UBE2F: variants seen among roughly 807,000 people sequenced by gnomAD.
UBE2F encodes NEDD8-conjugating enzyme UBE2F.
A neutral mutation model predicts 29.6 loss-of-function variants in UBE2F; 5 were observed. The ratio of observed to expected loss-of-function variants is 0.17; its 90% CI spans 0.09 to 0.36. The LOEUF is 0.36. UBE2F is among the 10% of genes least tolerant of loss of function. The probability of loss-of-function intolerance (pLI) is 1.00; values close to 1 mark genes in which losing one functional copy is unlikely to be tolerated. For synonymous variants in UBE2F, 66 were observed against 81.8 expected, an observed-to-expected ratio of 0.81 and a Z score of 1.04; for missense variants, 141 against 228.5, an observed-to-expected ratio of 0.62 and a Z score of 2.47.
intron 6 of UBE2F, 79 bp from the exon 7 acceptor site, chr2:238,030,477 A>C (rs1414397404): frequency 1.0e-6 from 1 of 970,526 alleles, no homozygotes; most frequent in Non-Finnish European, 1.6e-6. Flanking sequence ...TGCATGGCAC[A>C]CACCGAGAGG....
At chr2:238,004,671 G>A (rs1232359372) in intron 4 of UBE2F, among the ~76,000 whole-genome samples, 1 of 152,108 alleles carries the variant, frequency 6.6e-6, no homozygotes, top group African/African-American at 2.4e-5. Context: ...ATGTTTCATG[G>A]CAAAAGGGAA....
rs2063489139 is a variant in UBE2F, at chr2:237,986,763, A to G, written c.119-1200A>G. Among the ~76,000 whole-genome samples the G allele has an allele frequency of 3.9e-5, 6 of 152,212 alleles. No individual in the cohort carries two copies. The South Asian group carries it at 8.3e-4, about 21-fold the overall frequency. On this transcript the variant is annotated intron_variant, in intron 2 of 9. Coordinates refer to ENST00000272930, the MANE Select transcript of UBE2F (RefSeq NM_080678.3). ...CAGTTTTCCCAACACCATTTATTGAAGGAACTATCCTTTCCCCATGGTGTT... is the reference window on the plus strand; with the variant it reads ...CAGTTTTCCCAACACCATTTATTGAGGGAACTATCCTTTCCCCATGGTGTT...
intron 6 of UBE2F, among the ~76,000 whole-genome samples, chr2:238,026,462 C>T (rs751762883): frequency 8.6e-5 from 13 of 151,956 alleles, no homozygotes; most frequent in South Asian, 2.1e-4. Flanking sequence ...GAGATGGAGT[C>T]TCGCTTTGTT....
intron 4 of UBE2F, among the ~76,000 whole-genome samples, chr2:238,013,345 G>A (rs564249827): frequency 1.3e-5 from 2 of 152,306 alleles, no homozygotes; most frequent in South Asian, 4.1e-4. Flanking sequence ...GGGGGAAAAA[G>A]CAAATATAGG....
At chr2:238,024,319 A>G (rs1358251821) in intron 5 of UBE2F, among the ~76,000 whole-genome samples, 2 of 152,118 alleles carry the variant, frequency 1.3e-5, no homozygotes, top group Admixed American at 1.3e-4. Flanking sequence ...TGCCTTTGTA[A>G]CAGAGAAATC....
At chr2:237,994,648 G>A (rs2063655471) in intron 3 of UBE2F, 96 bp from the exon 4 acceptor site, 1 of 940,536 alleles carries the variant, frequency 1.1e-6, no homozygotes, top group Non-Finnish European at 1.7e-6. Context: ...ACGAATCCCT[G>A]TAGCACCGCT....
At chr2:237,971,969 T>C (rs577683281) in intron 1 of UBE2F, among the ~76,000 whole-genome samples, 42 of 152,310 alleles carry the variant, frequency 2.8e-4, no homozygotes, top group African/African-American at 9.9e-4. Flanking sequence ...CTTAAACAAA[T>C]TGTGGCATTT....
chr2:238,020,825 G>A (rs574069690), intron 5 of UBE2F, among the ~76,000 whole-genome samples: 25 of 152,294 alleles, frequency 1.6e-4, no homozygotes, highest in African/African-American at 4.6e-4. Context: ...GCCAGGCTCC[G>A]TGTCAGACAC....
intron 3 of UBE2F, among the ~76,000 whole-genome samples, chr2:237,993,315 G>A (rs79819568): frequency 0.017 from 2,598 of 152,126 alleles, 70 homozygotes; most frequent in African/African-American, 0.06. Context: ...TCCATTTGCC[G>A]TGGTGACTGT....
intron 2 of UBE2F, among the ~76,000 whole-genome samples, chr2:237,979,342 G>A (rs2063339667): frequency 6.6e-6 from 1 of 152,340 alleles, no homozygotes; most frequent in Non-Finnish European, 1.5e-5. Context: ...GAGGGTGCCT[G>A]TGTCTGCCTG....
chr2:238,018,881 C>G (rs1166900605), intron 5 of UBE2F, among the ~76,000 whole-genome samples: 1 of 152,178 alleles, frequency 6.6e-6, no homozygotes, highest in Non-Finnish European at 1.5e-5. Context: ...GTTTGTCATA[C>G]TGTCTTGTCC....
intron 7 of UBE2F, 61 bp from the exon 8 acceptor site, chr2:238,032,161 G>T (rs1000473128): frequency 1.5e-6 from 2 of 1,368,234 alleles, no homozygotes; most frequent in Non-Finnish European, 2.1e-6. Flanking sequence ...TTGATCATGG[G>T]TTTAAAAGAC....
chr2:237,992,633 T>A (rs147913119), intron 3 of UBE2F, among the ~76,000 whole-genome samples: 32 of 152,314 alleles, frequency 2.1e-4, no homozygotes, highest in African/African-American at 7.5e-4. Context: ...TGAAAGGAAA[T>A]GAGGCATGAG....
chr2:238,029,289 A>G (rs1162623926), intron 6 of UBE2F, among the ~76,000 whole-genome samples: 1 of 152,088 alleles, frequency 6.6e-6, no homozygotes, highest in African/African-American at 2.4e-5. Flanking sequence ...AAAAAAATAA[A>G]AAAAAAAACC....
chr2:237,985,877 A>G (rs1400876660), intron 2 of UBE2F, among the ~76,000 whole-genome samples: 2 of 152,152 alleles, frequency 1.3e-5, no homozygotes, highest in African/African-American at 2.4e-5. Flanking sequence ...CTTTGATAGC[A>G]GCCATTCTAA....
chr2:237,971,505 G>A (rs2063175968), intron 1 of UBE2F, among the ~76,000 whole-genome samples: 1 of 152,052 alleles, frequency 6.6e-6, no homozygotes, highest in African/African-American at 2.4e-5. Flanking sequence ...TTGTATTTTA[G>A]TAGAGACGGG....
At chr2:238,017,625 G>A (rs903938678) in intron 5 of UBE2F, among the ~76,000 whole-genome samples, 3 of 152,204 alleles carry the variant, frequency 2.0e-5, no homozygotes, top group African/African-American at 7.2e-5. Context: ...CGGGTGTGAT[G>A]TGTCTCGGCC....
At chr2:238,026,852 A>G (rs1045480284) in intron 6 of UBE2F, among the ~76,000 whole-genome samples, 2 of 152,224 alleles carry the variant, frequency 1.3e-5, no homozygotes, top group Non-Finnish European at 2.9e-5. Flanking sequence ...ACATTTTACC[A>G]GACATACCTT....
At chr2:238,029,324 C>T (rs1052125031) in intron 6 of UBE2F, among the ~76,000 whole-genome samples, 9 of 151,518 alleles carry the variant, frequency 5.9e-5, no homozygotes, top group Non-Finnish European at 1.3e-4. Flanking sequence ...CGTGGTGGCT[C>T]ACGCCTGTAA....
Sources: gnomAD v4.1 joint callset for allele counts (sites outside exome capture counted in the v4.1 genomes callset) on GRCh38, gnomAD v4.1.1 for gene constraint, MANE v1.5 for transcripts, NCBI Gene and HGNC (gene_info 2026-07-23, HGNC 2026-07-21) for gene names.